The following CRCP variants were observed in gnomAD, a reference collection of about 807,000 sequenced individuals.
The protein encoded by CRCP is CGRP receptor component.
Under a neutral mutation model 18.5 loss-of-function variants are expected in CRCP, and 18 were observed. The ratio of observed to expected loss-of-function variants is 0.97; its 90% CI spans 0.67 to 1.44. The LOEUF (loss-of-function observed/expected upper bound fraction) is 1.44. Among genes scored for constraint, CRCP ranks in the 40% most tolerant of loss-of-function variants. The pLI is 0.00. For synonymous variants in CRCP, 53 were observed against 62.9 expected (o/e 0.84, Z 0.75); for missense variants, 130 against 176.4 (o/e 0.74, Z 1.49).
chr7:66,148,663 C>T (rs12534109), intron 5 of CRCP, among the ~76,000 whole-genome samples: 5,543 of 152,140 alleles, frequency 0.036, 160 homozygotes, highest in East Asian at 0.084. Flanking sequence ...TTGTTGTGCC[C>T]GGTTGTGTAT....
intron 1 of CRCP, among the ~76,000 whole-genome samples, chr7:66,121,508 A>G (rs1463269701): frequency 1.3e-5 from 2 of 150,732 alleles, no homozygotes; most frequent in East Asian, 3.9e-4. Flanking sequence ...CACCTAGGCT[A>G]GAGTGCAGTG....
intron 5 of CRCP, among the ~76,000 whole-genome samples, chr7:66,151,241 G>T (rs1012971191): frequency 6.6e-6 from 1 of 152,154 alleles, no homozygotes; most frequent in Admixed American, 6.6e-5. Context: ...CACATAGTGG[G>T]CATCATCAAC....
At chr7:66,127,066 A>G (rs1161217635) in intron 1 of CRCP, among the ~76,000 whole-genome samples, 2 of 152,390 alleles carry the variant, frequency 1.3e-5, no homozygotes, top group African/African-American at 2.4e-5. Flanking sequence ...GAGCTAGAAC[A>G]TGAACCCAAA....
intron 5 of CRCP, among the ~76,000 whole-genome samples, chr7:66,148,332 A>C (rs768115609): frequency 5.9e-5 from 9 of 152,144 alleles, no homozygotes; most frequent in Non-Finnish European, 1.3e-4. Context: ...GCGTGACTGC[A>C]CTCCAGCCTG....
At chr7:66,139,174 C>T (rs562495243) in intron 4 of CRCP, among the ~76,000 whole-genome samples, 22 of 152,212 alleles carry the variant, frequency 1.4e-4, no homozygotes, top group Middle Eastern at 3.4e-3. Context: ...AGCTGAAGTG[C>T]GGTGGCACCC....
intron 4 of CRCP, among the ~76,000 whole-genome samples, chr7:66,140,935 T>C (rs1788118380): frequency 6.6e-6 from 1 of 152,238 alleles, no homozygotes; most frequent in African/African-American, 2.4e-5. Flanking sequence ...ATGATCTATA[T>C]AAATTTAAAG....
At position 66,147,916 on chromosome 7, in the gene CRCP, C is replaced by T. The variant is rs548777428; in HGVS notation, c.297+2416C>T. Among the ~76,000 whole-genome samples the T allele has an allele frequency of 8.5e-5, 13 of 152,126 alleles. No individual in the cohort carries two copies. In the South Asian group the frequency reaches 2.7e-3, roughly 32 times the overall value. ...TCTACAAAAAATGAAAAAAATTAGC[C>T]AGGTATGGTGGCGCACACCTGTGGT... On this transcript the variant is annotated intron_variant, in intron 5 of 5. Coordinates refer to ENST00000395326, the MANE Select transcript of CRCP (RefSeq NM_014478.5).
intron 3 of CRCP, among the ~76,000 whole-genome samples, chr7:66,131,601 A>G (rs1201125704): frequency 6.6e-6 from 1 of 151,936 alleles, no homozygotes; most frequent in Non-Finnish European, 1.5e-5. Context: ...GCTTAAGGCT[A>G]TTATTTTTCA....
chr7:66,116,841 CG>C (rs1402543365), intron 1 of CRCP, among the ~76,000 whole-genome samples: 1 of 152,142 alleles, frequency 6.6e-6, no homozygotes, highest in Non-Finnish European at 1.5e-5. Flanking sequence ...CCTGAACCAG[CG>C]GGGCGTGGTG....
At chr7:66,139,214 G>C (rs1246867564) in intron 4 of CRCP, among the ~76,000 whole-genome samples, 1 of 152,148 alleles carries the variant, frequency 6.6e-6, no homozygotes, top group Non-Finnish European at 1.5e-5. Flanking sequence ...AGAGTCTAAT[G>C]GGATAATTTC....
chr7:66,147,068 G>A lies in CRCP; in HGVS notation c.297+1568G>A, dbSNP rs559470417. Among the ~76,000 whole-genome samples the A allele has an allele frequency of 8.5e-5, 13 of 152,182 alleles. 1 individual carries two copies. The South Asian group carries it at 1.2e-3, about 15-fold the overall frequency. On this transcript the variant is annotated intron_variant, in intron 5 of 5. Transcript: ENST00000395326. ...TGAGAGTGCCTGGGGTGGGCCGGGC[G>A]CGGTGGCTCATGCCTGTAATGCCAG...
intron 4 of CRCP, among the ~76,000 whole-genome samples, chr7:66,139,446 T>G (rs1004514454): frequency 2.0e-5 from 3 of 152,250 alleles, no homozygotes; most frequent in Non-Finnish European, 2.9e-5. Context: ...AATTTTAACA[T>G]GTCATCATGG....
At chr7:66,128,778 T>A (rs953139604) in intron 2 of CRCP, 1 of 152,152 alleles carries the variant, frequency 6.6e-6, no homozygotes, top group Non-Finnish European at 1.5e-5. Flanking sequence ...TTCCAGCATT[T>A]TTGCCTCCTA....
chr7:66,124,522 T>C (rs1405966588), intron 1 of CRCP, among the ~76,000 whole-genome samples: 3 of 138,526 alleles, frequency 2.2e-5, no homozygotes, highest in Non-Finnish European at 3.1e-5. Flanking sequence ...CTTCCTTCCT[T>C]CCTCCCTCCT....
At position 66,145,473 on chromosome 7, in the gene CRCP, G is replaced by A. The variant is rs765910747; in HGVS notation, c.270G>A (p.Arg90=). 1 of 1,613,998 alleles carries A rather than the reference G, an allele frequency of 6.2e-7. No individual in the cohort carries two copies. The highest frequency in any genetic ancestry group is 1.1e-5 in the South Asian group (1 of 91,082). ...AGAAGCTCCAGCTGCTGAACCACCG[G>A]CCTGTGACTGCTGTGGAGATCCAGC... ...KAEKLQLLNH[R]PVTAVEIQLM... Residue 90 remains arginine, a synonymous_variant, in exon 5 of 6, where the codon CGG becomes CGA. Transcript: ENST00000395326.
At chr7:66,133,110 C>T (rs1050181301) in intron 3 of CRCP, among the ~76,000 whole-genome samples, 1 of 151,860 alleles carries the variant, frequency 6.6e-6, no homozygotes, top group Non-Finnish European at 1.5e-5. Context: ...AACAGCCTAC[C>T]CTTTGCTTAA....
intron 1 of CRCP, among the ~76,000 whole-genome samples, chr7:66,123,539 A>G (rs181041575): frequency 1.3e-4 from 20 of 152,086 alleles, no homozygotes; most frequent in Admixed American, 1.3e-3. Context: ...ACCTGAGGTC[A>G]GGAGTTTGAG....
At chr7:66,121,974 A>G (rs1004857096) in intron 1 of CRCP, among the ~76,000 whole-genome samples, 2 of 152,210 alleles carry the variant, frequency 1.3e-5, no homozygotes, top group Non-Finnish European at 2.9e-5. Context: ...TGCTTGTACC[A>G]GAGTTTAGGT....
intron 5 of CRCP, among the ~76,000 whole-genome samples, chr7:66,148,192 T>C (rs1262208639): frequency 6.6e-6 from 1 of 151,906 alleles, no homozygotes; most frequent in Non-Finnish European, 1.5e-5. Flanking sequence ...CGAAACCTCA[T>C]CCCTACTAAA....
Sources: gnomAD v4.1 joint callset for allele counts (sites outside exome capture counted in the v4.1 genomes callset) on GRCh38, gnomAD v4.1.1 for gene constraint, MANE v1.5 for transcripts, NCBI Gene and HGNC (gene_info 2026-07-23, HGNC 2026-07-21) for gene names.